Variants in SEMA5A observed in about 807,000 individuals in gnomAD.
SEMA5A encodes the protein semaphorin-5A.
Under a neutral mutation model 135.5 loss-of-function variants are expected in SEMA5A, and 55 were observed. The ratio of observed to expected loss-of-function variants is 0.41; its 90% CI spans 0.33 to 0.51. The LOEUF (loss-of-function observed/expected upper bound fraction) is 0.51. Ranked by LOEUF, SEMA5A falls within the 20% of genes least tolerant of loss-of-function variation. SEMA5A has a pLI of 0.37. For missense variants in SEMA5A, 1,290 were observed against 1,419.9 expected, an observed-to-expected ratio of 0.91 and a Z score of 1.47; for synonymous variants, 580 against 546.5, an observed-to-expected ratio of 1.06 and a Z score of -0.85.
chr5:9,251,337 G>C (rs1239306096), intron 5 of SEMA5A, among the ~76,000 whole-genome samples: 1 of 152,132 alleles, frequency 6.6e-6, no homozygotes, highest in South Asian at 2.1e-4. Flanking sequence ...ATTCTGAAAA[G>C]AGCCATGCTA....
At chr5:9,431,819 G>A (rs1757865997) in intron 2 of SEMA5A, among the ~76,000 whole-genome samples, 2 of 152,172 alleles carry the variant, frequency 1.3e-5, no homozygotes, top group Admixed American at 6.5e-5. Context: ...CCTCTAATGG[G>A]TGTCTGAGAA....
intron 16 of SEMA5A, among the ~76,000 whole-genome samples, chr5:9,080,071 C>A (rs1738290199): frequency 6.6e-6 from 1 of 152,186 alleles, no homozygotes; most frequent in Non-Finnish European, 1.5e-5. Flanking sequence ...GATTATAAGT[C>A]ATTCTACTAT....
At chr5:9,480,853 T>G (rs958358979) in intron 1 of SEMA5A, among the ~76,000 whole-genome samples, 2 of 152,220 alleles carry the variant, frequency 1.3e-5, no homozygotes, top group African/African-American at 2.4e-5. Context: ...TTTAGAGCCA[T>G]GGACACATAG....
At chr5:9,199,541 A>C (rs1343148838) in intron 9 of SEMA5A, among the ~76,000 whole-genome samples, 2 of 152,196 alleles carry the variant, frequency 1.3e-5, no homozygotes, top group African/African-American at 4.8e-5. Context: ...CTTGAGAATG[A>C]GAAGGCTTAA....
At chr5:9,180,097 G>C (rs1324052821) in intron 11 of SEMA5A, among the ~76,000 whole-genome samples, 3 of 152,126 alleles carry the variant, frequency 2.0e-5, no homozygotes, top group Non-Finnish European at 4.4e-5. Context: ...GCATTCTCCT[G>C]GTTTGCCTCT....
chr5:9,526,333 G>C (rs1737121383), intron 1 of SEMA5A, among the ~76,000 whole-genome samples: 1 of 152,178 alleles, frequency 6.6e-6, no homozygotes, highest in African/African-American at 2.4e-5. Context: ...TAAATTAATA[G>C]CTAAATAGAT....
chr5:9,303,570 A>G (rs1017947140), intron 5 of SEMA5A, among the ~76,000 whole-genome samples: 2 of 152,142 alleles, frequency 1.3e-5, no homozygotes, highest in Non-Finnish European at 2.9e-5. Context: ...GAGGTATAAT[A>G]TATTATAAAA....
At position 9,304,862 on chromosome 5, in the gene SEMA5A, A is replaced by G. The variant is rs76511012; in HGVS notation, c.270+13510T>C. The stretch of plus-strand genomic sequence containing the variant: ...CTACATCTTGTTTCTCAAAACAATT[A>G]TACGTTTCTTAGAGTTAATAATTGT... On this transcript the variant is annotated intron_variant, in intron 5 of 22. Transcript: ENST00000382496. Among the ~76,000 whole-genome samples, 1,285 of 152,292 alleles carry G rather than the reference A, an allele frequency of 8.4e-3. 14 individuals carry two copies. Among genetic ancestry groups the G allele is most frequent in the Non-Finnish European group, 0.013 (896 of 68,024 alleles).
chr5:9,428,640 T>C (rs1325166921), intron 2 of SEMA5A, among the ~76,000 whole-genome samples: 1 of 152,182 alleles, frequency 6.6e-6, no homozygotes, highest in African/African-American at 2.4e-5. Flanking sequence ...TCAATTACAC[T>C]GGAAAACAGT....
At chr5:9,504,317 A>G (rs1490579802) in intron 1 of SEMA5A, among the ~76,000 whole-genome samples, 1 of 152,210 alleles carries the variant, frequency 6.6e-6, no homozygotes, top group Non-Finnish European at 1.5e-5. Flanking sequence ...TATAAAACCA[A>G]GAAAAAAAGT....
rs1341828082 is a variant in SEMA5A at position 9,051,956 on chromosome 5, A to G, written c.2762T>C (p.Ile921Thr). The G allele has an allele frequency of 2.5e-6, 4 of 1,614,028 alleles. No homozygotes were observed. In the African/African-American group the frequency reaches 5.3e-5, roughly 22 times the overall value. ...SGVQVRARQCILLFPMGSQCS... is the reference protein window; with the variant it reads ...SGVQVRARQCTLLFPMGSQCS... ...CTGGCTGCCCATGGGGAACAGGAGG[A>G]TGCACTGGCGGGCGCGGACTTGGAC... The change falls in exon 20 of 23, where the codon ATC (isoleucine) becomes ACC (threonine). Residue 921 changes from isoleucine (I) to threonine (T), a missense_variant. By Grantham distance (89) the Ile-to-Thr change is moderately conservative (BLOSUM62 -1). Coordinates refer to ENST00000382496, the MANE Select transcript of SEMA5A (RefSeq NM_003966.3).
At chr5:9,225,389 TAAA>T (rs34806769) in intron 7 of SEMA5A, among the ~76,000 whole-genome samples, 8,319 of 42,678 alleles carry the variant, frequency 0.19, 411 homozygotes, top group East Asian at 0.32. Context: ...CCATCTCTAC[TAAA>T]AAAAAAAAAA....
At chr5:9,381,571 A>G (rs1290185571) in intron 2 of SEMA5A, among the ~76,000 whole-genome samples, 2 of 152,196 alleles carry the variant, frequency 1.3e-5, no homozygotes, top group African/African-American at 4.8e-5. Context: ...ACACTGAGAC[A>G]CTAGGTCAGA....
chr5:9,155,824 T>TA (rs1219262478), intron 11 of SEMA5A, among the ~76,000 whole-genome samples: 1 of 152,298 alleles, frequency 6.6e-6, no homozygotes, highest in South Asian at 2.1e-4. Flanking sequence ...TATTTGTGTT[T>TA]AAAAAAATAC....
intron 1 of SEMA5A, among the ~76,000 whole-genome samples, chr5:9,487,032 A>G (rs1472796311): frequency 6.6e-6 from 1 of 151,798 alleles, no homozygotes; most frequent in Non-Finnish European, 1.5e-5. Context: ...AAAAAAAACT[A>G]GTAGAAAATG....
chr5:9,408,009 T>TACCATC (rs768021820), intron 2 of SEMA5A, among the ~76,000 whole-genome samples: 4 of 150,580 alleles, frequency 2.7e-5, no homozygotes, highest in East Asian at 1.9e-4. Flanking sequence ...TCACCATCAC[T>TACCATC]ACCAACACCA....
At chr5:9,521,029 G>A (rs750454739) in intron 1 of SEMA5A, among the ~76,000 whole-genome samples, 7 of 152,232 alleles carry the variant, frequency 4.6e-5, no homozygotes, top group Admixed American at 3.3e-4. Context: ...AGTGCAAGGC[G>A]TTAGCAATAG....
intron 19 of SEMA5A, 91 bp from the exon 20 acceptor site, chr5:9,052,119 G>T: frequency 7.6e-7 from 1 of 1,315,618 alleles, no homozygotes. Flanking sequence ...GTGATTTCTG[G>T]ATTCCAGGAT....
chr5:9,523,746 A>C (rs1736963005), intron 1 of SEMA5A, among the ~76,000 whole-genome samples: 1 of 152,206 alleles, frequency 6.6e-6, no homozygotes, highest in South Asian at 2.1e-4. Context: ...AGTGCAAATA[A>C]GTTGGGATGA....
Sources: allele counts gnomAD v4.1 joint callset (sites outside exome capture counted in the v4.1 genomes callset), GRCh38; gene constraint gnomAD v4.1.1; transcripts MANE v1.5; gene names NCBI Gene and HGNC (gene_info 2026-07-23, HGNC 2026-07-21).